Variants in CTNND2 observed in about 807,000 individuals in gnomAD.
CTNND2 encodes the protein catenin delta 2, also known as catenin delta-2.
A neutral mutation model predicts 144.4 loss-of-function variants in CTNND2; 22 were observed. The observed-to-expected ratio is 0.15, with a 90% CI of 0.11 to 0.22. The LOEUF is 0.22. Among genes scored for constraint, CTNND2 ranks in the 10% least tolerant of loss-of-function variants. CTNND2 has a pLI of 1.00. For synonymous variants in CTNND2, 751 were observed against 695.6 expected (o/e 1.08, Z -1.25); for missense variants, 1,353 against 1,618.8 (o/e 0.84, Z 2.82).
intron 2 of CTNND2, among the ~76,000 whole-genome samples, chr5:11,653,072 TG>T (rs1374142815): frequency 2.7e-4 from 2 of 7,356 alleles, no homozygotes; most frequent in Non-Finnish European, 6.5e-4. Context: ...ACAAAATTCG[TG>T]TGTGTGTGTG....
intron 9 of CTNND2, among the ~76,000 whole-genome samples, chr5:11,322,721 T>C (rs984592647): frequency 6.6e-6 from 1 of 152,324 alleles, no homozygotes; most frequent in South Asian, 2.1e-4. Context: ...GAACAAAATA[T>C]ATTTGTCAAA....
At chr5:11,735,794 A>G (rs866860747) in intron 1 of CTNND2, among the ~76,000 whole-genome samples, 38 of 152,196 alleles carry the variant, frequency 2.5e-4, no homozygotes, top group African/African-American at 8.9e-4. Context: ...AGGCCTCCCC[A>G]GCCATGCAGA....
At chr5:11,231,335 G>A (rs561758672) in intron 10 of CTNND2, among the ~76,000 whole-genome samples, 14 of 152,256 alleles carry the variant, frequency 9.2e-5, no homozygotes, top group African/African-American at 3.1e-4. Context: ...GCAGAGGTTG[G>A]AACAGTTTGG....
chr5:11,183,309 G>A (rs918048018), intron 11 of CTNND2, among the ~76,000 whole-genome samples: 17 of 151,962 alleles, frequency 1.1e-4, no homozygotes, highest in Non-Finnish European at 2.1e-4. Flanking sequence ...TTAATTTAAC[G>A]AAGCCTTAGG....
intron 16 of CTNND2, among the ~76,000 whole-genome samples, chr5:11,079,185 G>C (rs1272017298): frequency 8.2e-6 from 1 of 121,812 alleles, no homozygotes; most frequent in East Asian, 5.6e-4. Flanking sequence ...AGTCACACTT[G>C]GTCTTCCAGT....
intron 1 of CTNND2, among the ~76,000 whole-genome samples, chr5:11,817,433 GAGAGAGAGAGA>G (rs1793041374): frequency 7.0e-5 from 1 of 14,244 alleles, no homozygotes; most frequent in African/African-American, 1.3e-4. Flanking sequence ...GAGAGAGAGA[GAGAGAGAGAGA>G]GAGAGAGAGA....
At chr5:11,533,917 C>A (rs960922964) in intron 3 of CTNND2, among the ~76,000 whole-genome samples, 1 of 152,162 alleles carries the variant, frequency 6.6e-6, no homozygotes, top group Non-Finnish European at 1.5e-5. Context: ...GGGAAGCTCA[C>A]ACATTATTCT....
At chr5:11,011,317 G>A (rs1237397090) in intron 18 of CTNND2, among the ~76,000 whole-genome samples, 3 of 152,260 alleles carry the variant, frequency 2.0e-5, no homozygotes, top group East Asian at 1.9e-4. Context: ...GGGTTCAAGC[G>A]ATTCTCCCAC....
At chr5:11,159,401 C>T (rs1758539254) in intron 12 of CTNND2, among the ~76,000 whole-genome samples, 175 bp downstream of exon 12, 2 of 152,176 alleles carry the variant, frequency 1.3e-5, no homozygotes, top group South Asian at 4.1e-4. Context: ...ACCTATATGT[C>T]TTTATTACCT....
intron 16 of CTNND2, among the ~76,000 whole-genome samples, chr5:11,074,297 T>C (rs1034951082): frequency 1.4e-4 from 22 of 152,232 alleles, no homozygotes; most frequent in Admixed American, 1.2e-3. Context: ...GATAGGACTC[T>C]AAATGTTTCT....
chr5:11,189,906 AGTCT>A (rs1162229426), intron 11 of CTNND2, among the ~76,000 whole-genome samples: 2 of 152,238 alleles, frequency 1.3e-5, no homozygotes, highest in Non-Finnish European at 2.9e-5. Flanking sequence ...GATTACAGTC[AGTCT>A]GTTTGGGGAA....
intron 9 of CTNND2, among the ~76,000 whole-genome samples, chr5:11,330,769 C>T (rs1419975470): frequency 8.4e-6 from 1 of 118,776 alleles, no homozygotes; most frequent in Admixed American, 9.2e-5. Flanking sequence ...GGCAACAGAG[C>T]AAAACTCTGT....
intron 12 of CTNND2, among the ~76,000 whole-genome samples, chr5:11,134,017 C>T (rs956505022): frequency 6.6e-6 from 1 of 152,060 alleles, no homozygotes; most frequent in African/African-American, 2.4e-5. Context: ...AATCAGCTGA[C>T]CTTAGGATAG....
chr5:11,773,540 G>A (rs374031789), intron 1 of CTNND2, among the ~76,000 whole-genome samples: 16 of 152,234 alleles, frequency 1.1e-4, no homozygotes, highest in African/African-American at 3.4e-4. Context: ...AGGGCTGGGC[G>A]TGGTGGCTCA....
chr5:11,079,694 C>A (rs1320404906), intron 16 of CTNND2, among the ~76,000 whole-genome samples: 1 of 152,192 alleles, frequency 6.6e-6, no homozygotes, highest in Non-Finnish European at 1.5e-5. Context: ...GGCTTCCTGT[C>A]TCATCTCCTT....
At chr5:11,305,480 C>A (rs1284563369) in intron 9 of CTNND2, among the ~76,000 whole-genome samples, 2 of 152,184 alleles carry the variant, frequency 1.3e-5, no homozygotes, top group East Asian at 1.9e-4. Context: ...ATTCCATGTG[C>A]CCTCACTGAT....
chr5:11,838,508 G>A (rs1410455643), intron 1 of CTNND2, among the ~76,000 whole-genome samples: 1 of 151,978 alleles, frequency 6.6e-6, no homozygotes, highest in East Asian at 1.9e-4. Context: ...GTAAGGACAG[G>A]GATAGACATG....
chr5:11,343,887 G>A (rs754669564), intron 9 of CTNND2, among the ~76,000 whole-genome samples: 7 of 152,052 alleles, frequency 4.6e-5, no homozygotes, highest in Non-Finnish European at 7.4e-5. Flanking sequence ...TTAAATATAT[G>A]TAAATATATT....
At chr5:11,719,833 T>TACACACAC (rs36223515) in intron 2 of CTNND2, among the ~76,000 whole-genome samples, 2,128 of 142,076 alleles carry the variant, frequency 0.015, 27 homozygotes, top group Non-Finnish European at 0.022. Flanking sequence ...CTCTGACATA[T>TACACACAC]ACACACACAC....
Sources: gnomAD v4.1 joint callset for allele counts (sites outside exome capture counted in the v4.1 genomes callset) on GRCh38, gnomAD v4.1.1 for gene constraint, MANE v1.5 for transcripts, NCBI Gene and HGNC (gene_info 2026-07-23, HGNC 2026-07-21) for gene names.